SLCO5A1: variants seen among roughly 807,000 people sequenced by gnomAD.
SLCO5A1 encodes organic anion transporter polypeptide-related protein 4.
A neutral mutation model predicts 65.1 loss-of-function variants in SLCO5A1; 39 were observed. The ratio of observed to expected loss-of-function variants is 0.60; its 90% CI spans 0.46 to 0.78. The LOEUF (loss-of-function observed/expected upper bound fraction) is 0.78. Among genes scored for constraint, SLCO5A1 ranks in the 30% least tolerant of loss-of-function variants. SLCO5A1 has a pLI of 0.00. For synonymous variants in SLCO5A1, 438 were observed against 415.7 expected, an observed-to-expected ratio of 1.05 and a Z score of -0.65; for missense variants, 1,029 against 1,069.4, an observed-to-expected ratio of 0.96 and a Z score of 0.53.
intron 5 of SLCO5A1, among the ~76,000 whole-genome samples, chr8:69,715,396 G>A (rs1317984846): frequency 6.6e-6 from 1 of 152,216 alleles, no homozygotes; most frequent in African/African-American, 2.4e-5. Flanking sequence ...CCCATGCCAA[G>A]TACAAAACCC....
intron 2 of SLCO5A1, among the ~76,000 whole-genome samples, chr8:69,818,315 G>T (rs1210782053): frequency 6.6e-6 from 1 of 152,202 alleles, no homozygotes; most frequent in Non-Finnish European, 1.5e-5. Context: ...AATATCTCTG[G>T]TCTTTCGATC....
intron 4 of SLCO5A1, among the ~76,000 whole-genome samples, chr8:69,741,498 A>G (rs1393647989): frequency 2.0e-5 from 3 of 152,212 alleles, no homozygotes. Flanking sequence ...CACAAATAAT[A>G]GGTGTCAAAT....
intron 2 of SLCO5A1, among the ~76,000 whole-genome samples, chr8:69,782,456 T>C (rs1389981517): frequency 6.6e-6 from 1 of 151,542 alleles, no homozygotes; most frequent in Non-Finnish European, 1.5e-5. Context: ...GGCATGCACC[T>C]ATGGCCTCAA....
Position 69,705,054 on chromosome 8 carries a change from G to A in SLCO5A1, c.1599C>T (p.Gly533=), listed in dbSNP as rs1251249099. 4 of 1,612,882 alleles carry A rather than the reference G, an allele frequency of 2.5e-6. No homozygotes were observed. The African/African-American group carries it at 4.0e-5, about 16-fold the overall frequency. The stretch of plus-strand genomic sequence containing the variant: ...ACCCTGTTGTATAAGGGATGTTTAT[G>A]CCCCCTAGATTAATGCTTTCACATC... ...IVGCESINLG[G]INIPYTTGPS... is the part of the protein sequence containing the mutation. Residue 533 remains glycine, a synonymous_variant, in exon 6 of 10, where the codon GGC becomes GGT. Transcript: ENST00000260126.
At chr8:69,777,291 C>G (rs1278743405) in intron 2 of SLCO5A1, among the ~76,000 whole-genome samples, 1 of 152,090 alleles carries the variant, frequency 6.6e-6, no homozygotes, top group Non-Finnish European at 1.5e-5. Flanking sequence ...TGAAAGAAAG[C>G]AGACATAAAA....
intron 6 of SLCO5A1, among the ~76,000 whole-genome samples, chr8:69,702,471 T>TA (rs1388249690): frequency 1.3e-5 from 2 of 151,910 alleles, no homozygotes; most frequent in Non-Finnish European, 2.9e-5. Context: ...TATTAGGCAC[T>TA]ATCAAGAAGC....
chr8:69,833,539 A>G (rs183236618), intron 1 of SLCO5A1: 10 of 152,366 alleles, frequency 6.6e-5, no homozygotes, highest in Admixed American at 3.9e-4. Flanking sequence ...CTCCTACTCC[A>G]TTACTCAAAA....
intron 6 of SLCO5A1, among the ~76,000 whole-genome samples, chr8:69,697,559 G>A (rs1029207984): frequency 3.3e-5 from 5 of 152,004 alleles, no homozygotes; most frequent in East Asian, 1.9e-4. Flanking sequence ...AAGAGTGGGG[G>A]GACAGCGGGC....
intron 7 of SLCO5A1, 84 bp from the exon 8 acceptor site, chr8:69,679,703 G>C (rs1813688143): frequency 6.5e-7 from 1 of 1,544,486 alleles, no homozygotes; most frequent in Non-Finnish European, 8.8e-7. Context: ...TTAAGTAAAA[G>C]TACTCTAAAA....
intron 4 of SLCO5A1, among the ~76,000 whole-genome samples, chr8:69,744,898 G>A (rs959776189): frequency 2.0e-5 from 3 of 152,140 alleles, no homozygotes; most frequent in Non-Finnish European, 4.4e-5. Context: ...CCTTTTAAAA[G>A]TATGGTTCTT....
intron 2 of SLCO5A1, among the ~76,000 whole-genome samples, chr8:69,827,896 T>A (rs1381518675): frequency 6.6e-6 from 1 of 152,174 alleles, no homozygotes; most frequent in Non-Finnish European, 1.5e-5. Context: ...TTAAGGCAAT[T>A]CTACATTCTG....
At chr8:69,689,094 A>G (rs1586685388) in intron 6 of SLCO5A1, among the ~76,000 whole-genome samples, 2 of 144,976 alleles carry the variant, frequency 1.4e-5, no homozygotes, top group Non-Finnish European at 3.0e-5. Flanking sequence ...GCCAGTGATG[A>G]TGAGCATTTT....
intron 4 of SLCO5A1, among the ~76,000 whole-genome samples, chr8:69,746,921 G>T (rs897835505): frequency 6.6e-6 from 1 of 152,146 alleles, no homozygotes; most frequent in African/African-American, 2.4e-5. Context: ...TCCCAAGTTG[G>T]TAGCCCCAAC....
At chr8:69,807,365 A>C (rs1300362791) in intron 2 of SLCO5A1, among the ~76,000 whole-genome samples, 1 of 152,202 alleles carries the variant, frequency 6.6e-6, no homozygotes, top group African/African-American at 2.4e-5. Context: ...GACATTTAAA[A>C]TCCTTTCTTT....
intron 6 of SLCO5A1, among the ~76,000 whole-genome samples, chr8:69,693,731 T>C (rs962191966): frequency 6.6e-6 from 1 of 152,244 alleles, no homozygotes; most frequent in Non-Finnish European, 1.5e-5. Context: ...ATGAATTTTA[T>C]CCCATTTTAT....
At chr8:69,731,361 C>T (rs574795358) in intron 5 of SLCO5A1, among the ~76,000 whole-genome samples, 1 of 152,310 alleles carries the variant, frequency 6.6e-6, no homozygotes, top group South Asian at 2.1e-4. Flanking sequence ...TTGCACCAAC[C>T]TAATCATCTT....
chr8:69,674,159 TCTACCTCCATTTTATTAA>T (rs1337390786), intron 9 of SLCO5A1, among the ~76,000 whole-genome samples: 1 of 152,230 alleles, frequency 6.6e-6, no homozygotes, highest in Admixed American at 6.5e-5. Flanking sequence ...GCATTTTGGA[TCTACCTCCATTTTATTAA>T]CTATCACATA....
At chr8:69,780,527 T>A (rs1277056236) in intron 2 of SLCO5A1, among the ~76,000 whole-genome samples, 4 of 152,214 alleles carry the variant, frequency 2.6e-5, no homozygotes, top group Non-Finnish European at 2.9e-5. Flanking sequence ...GAGTCCATTA[T>A]CCTAAGTGGA....
chr8:69,718,983 A>C (rs187379530), intron 5 of SLCO5A1, among the ~76,000 whole-genome samples: 283 of 152,284 alleles, frequency 1.9e-3, no homozygotes, highest in African/African-American at 6.5e-3. Context: ...TTGAGCAAAA[A>C]CCTGAAGGAG....
Sources: gnomAD v4.1 joint callset for allele counts (sites outside exome capture counted in the v4.1 genomes callset) on GRCh38, gnomAD v4.1.1 for gene constraint, MANE v1.5 for transcripts, NCBI Gene and HGNC (gene_info 2026-07-23, HGNC 2026-07-21) for gene names.